Variants in MTRR observed in about 807,000 individuals in gnomAD.
MTRR encodes 5-methyltetrahydrofolate-homocysteine methyltransferase reductase.
A neutral mutation model predicts 79.2 loss-of-function variants in MTRR; 63 were observed. That is an observed-to-expected ratio of 0.80 (90% CI 0.65 to 0.98). MTRR has a LOEUF of 0.98. Ranked by LOEUF, MTRR falls within the 50% of genes least tolerant of loss-of-function variation. The pLI, the probability that MTRR is intolerant of heterozygous loss-of-function variation, is 0.00. For synonymous variants in MTRR, 355 were observed against 313.3 expected (o/e 1.13, Z -1.41); for missense variants, 895 against 839.6 (o/e 1.07, Z -0.82).
At chr5:7,850,885 C>A (rs770483125), upstream of MTRR, 2 of 1,331,138 alleles carry the variant, frequency 1.5e-6, no homozygotes, top group East Asian at 2.8e-5. Context: ...CCGCGCCGGG[C>A]GGTAGTAGTA....
chr5:7,878,695 A>C (rs1734994240), intron 5 of MTRR, among the ~76,000 whole-genome samples: 1 of 152,284 alleles, frequency 6.6e-6, no homozygotes, highest in Non-Finnish European at 1.5e-5. Context: ...TTGGAGAACT[A>C]ACAACTTGGT....
intron 14 of MTRR, 73 bp downstream of exon 14, chr5:7,897,320 A>T: frequency 6.9e-7 from 1 of 1,458,342 alleles, no homozygotes; most frequent in Non-Finnish European, 9.6e-7. Flanking sequence ...AAAAGGACCG[A>T]GAAGCCAATA....
intron 5 of MTRR, among the ~76,000 whole-genome samples, chr5:7,881,574 T>TA (rs1422166259): frequency 3.9e-5 from 6 of 152,160 alleles, no homozygotes; most frequent in Admixed American, 2.6e-4. Flanking sequence ...TCAAGATTTT[T>TA]AAGGGAATCT....
intron 9 of MTRR, chr5:7,890,520 C>A: frequency 1.8e-6 from 1 of 560,024 alleles, no homozygotes. Flanking sequence ...ATGTTTGTAA[C>A]AATACCACAT....
At chr5:7,874,105 C>T (rs1389852064) in intron 3 of MTRR, among the ~76,000 whole-genome samples, 1 of 152,138 alleles carries the variant, frequency 6.6e-6, no homozygotes, top group Non-Finnish European at 1.5e-5. Context: ...ATATGTATCC[C>T]AGGTTAAGAA....
chr5:7,851,202 G>A, exon 1 of MTRR: 1 of 636,754 alleles, frequency 1.6e-6, no homozygotes. Flanking sequence ...CCCGCTCCAG[G>A]GTGGAGCGAC....
intron 1 of MTRR, chr5:7,861,620 C>G: frequency 6.2e-7 from 1 of 1,607,398 alleles, no homozygotes; most frequent in Non-Finnish European, 8.5e-7. Context: ...GATGGCAATA[C>G]AAATCCTTCT....
chr5:7,870,512 A>G (rs1747773112), intron 1 of MTRR: 5 of 437,830 alleles, frequency 1.1e-5, no homozygotes, highest in South Asian at 1.0e-4. Context: ...GGAAACACAG[A>G]TTCAAGCCCA....
intron 5 of MTRR, 70 bp from the exon 6 acceptor site, chr5:7,883,085 C>G: frequency 1.2e-6 from 2 of 1,602,986 alleles, no homozygotes; most frequent in Non-Finnish European, 1.7e-6. Context: ...GTGGATCTTG[C>G]GTAGTCACTA....
At chr5:7,899,148 C>G (rs932005029) in intron 14 of MTRR, among the ~76,000 whole-genome samples, 2 of 152,040 alleles carry the variant, frequency 1.3e-5, no homozygotes, top group African/African-American at 2.4e-5. Context: ...TAACATCAAG[C>G]CATTCATGAG....
Position 7,892,816 on chromosome 5 carries a change from G to C in MTRR, c.1460G>C (p.Gly487Ala). 6.2e-7 allele frequency: 1 copy of C among 1,614,178 alleles called. No individual in the cohort carries two copies. The highest frequency in any genetic ancestry group is 1.3e-5 in the African/African-American group (1 of 75,038). Residue 487 changes from glycine to alanine, a missense_variant, in exon 11 of 15, where the codon GGA becomes GCA. By Grantham distance (60) the Gly-to-Ala change is moderately conservative (BLOSUM62 0). Transcript: ENST00000440940. ...GCCACAACAGAGGTTCTGCGGAAGG[G>C]AGTATGTACAGGCTGGCTGGCCTTG... ...STATTEVLRK[G>A]VCTGWLALLV...
chr5:7,891,812 G>A (rs560878043), intron 10 of MTRR, among the ~76,000 whole-genome samples: 214 of 152,288 alleles, frequency 1.4e-3, no homozygotes, highest in Middle Eastern at 3.4e-3. Context: ...GGAGGCCGAG[G>A]CGGGCGGATC....
At chr5:7,876,368 T>C (rs1734567554) in intron 4 of MTRR, among the ~76,000 whole-genome samples, 1 of 152,248 alleles carries the variant, frequency 6.6e-6, no homozygotes, top group Admixed American at 6.5e-5. Flanking sequence ...CATTAAATGC[T>C]CAGTCTTGTA....
intron 3 of MTRR, 145 bp from the exon 4 acceptor site, chr5:7,875,113 A>G: frequency 2.9e-6 from 2 of 696,770 alleles, no homozygotes; most frequent in East Asian, 5.4e-5. Flanking sequence ...AGAATTACTC[A>G]AGGAAAATAA....
At chr5:7,866,153 A>G (rs1746931030), upstream of MTRR, among the ~76,000 whole-genome samples, 1 of 152,180 alleles carries the variant, frequency 6.6e-6, no homozygotes, top group South Asian at 2.1e-4. Context: ...CTTGCCACCA[A>G]TGAAATTGAC....
intron 5 of MTRR, 117 bp downstream of exon 5, chr5:7,878,439 T>G (rs575773744): frequency 1.7e-4 from 220 of 1,323,952 alleles, no homozygotes; most frequent in Non-Finnish European, 2.1e-4. Context: ...ACTGGCCCAA[T>G]GTGGCCCAGA....
chr5:7,882,700 A>G (rs1245743420), intron 5 of MTRR, among the ~76,000 whole-genome samples: 2 of 152,178 alleles, frequency 1.3e-5, no homozygotes, highest in Non-Finnish European at 2.9e-5. Context: ...TCTTAGTGAC[A>G]CTACCTGTAT....
intron 2 of MTRR, chr5:7,862,887 A>T: frequency 6.2e-7 from 1 of 1,614,106 alleles, no homozygotes; most frequent in Non-Finnish European, 8.5e-7. Flanking sequence ...CTAAAAGGTT[A>T]GTCAGCCCAA....
At chr5:7,867,917 T>G (rs2966952), upstream of MTRR, 3 of 1,614,020 alleles carry the variant, frequency 1.9e-6, no homozygotes, top group East Asian at 6.7e-5. Context: ...ATGATGGAAT[T>G]TGACCCCGAA....
Sources: gnomAD v4.1 joint callset for allele counts (sites outside exome capture counted in the v4.1 genomes callset) on GRCh38, gnomAD v4.1.1 for gene constraint, MANE v1.5 for transcripts, NCBI Gene and HGNC (gene_info 2026-07-23, HGNC 2026-07-21) for gene names.